Variants in SAMD5 observed in about 807,000 individuals in gnomAD.
The protein encoded by SAMD5 is sterile alpha motif domain-containing protein 5.
Under a neutral mutation model 11.3 loss-of-function variants are expected in SAMD5, and 13 were observed. That is an observed-to-expected ratio of 1.15 (90% confidence interval 0.75 to 1.83). The LOEUF (loss-of-function observed/expected upper bound fraction) is 1.83. SAMD5 is among the 40% of genes most tolerant of loss of function. The pLI is 0.00. For synonymous variants in SAMD5, 129 were observed against 111.3 expected, an observed-to-expected ratio of 1.16 and a Z score of -1.00; for missense variants, 255 against 239.1, an observed-to-expected ratio of 1.07 and a Z score of -0.44.
the SAMD5 span, among the ~76,000 whole-genome samples, chr6:147,852,361 TTAA>T: frequency 6.6e-6 from 1 of 152,152 alleles, no homozygotes; most frequent in African/African-American, 2.4e-5. Flanking sequence ...GTGCCACCAA[TTAA>T]TAATATTGGT....
chr6:147,623,301 T>C (rs1789999875), intron 1 of SAMD5, among the ~76,000 whole-genome samples: 1 of 152,358 alleles, frequency 6.6e-6, no homozygotes, highest in Admixed American at 6.5e-5. Flanking sequence ...TTCCAGTAAT[T>C]TCTCCCACAT....
the SAMD5 span, among the ~76,000 whole-genome samples, chr6:147,853,141 C>G: frequency 6.6e-6 from 1 of 152,160 alleles, no homozygotes. Flanking sequence ...GCAGTGCTCT[C>G]TGACAGGTCA....
the SAMD5 span, among the ~76,000 whole-genome samples, chr6:147,810,456 A>G: frequency 6.6e-6 from 1 of 152,172 alleles, no homozygotes; most frequent in Non-Finnish European, 1.5e-5. Context: ...TGCCCCAGTG[A>G]GGCAGCACAA....
At chr6:147,631,721 G>C (rs535079507) in intron 1 of SAMD5, among the ~76,000 whole-genome samples, 2 of 152,268 alleles carry the variant, frequency 1.3e-5, no homozygotes, top group African/African-American at 4.8e-5. Flanking sequence ...TTAGTTTCCT[G>C]ACTCAGGGCA....
intron 1 of SAMD5, among the ~76,000 whole-genome samples, chr6:147,700,856 T>C (rs985773101): frequency 6.6e-6 from 1 of 152,194 alleles, no homozygotes; most frequent in African/African-American, 2.4e-5. Flanking sequence ...GAAAATTCAC[T>C]AGGAGAATAG....
chr6:147,640,144 G>T (rs1790288450), intron 1 of SAMD5, among the ~76,000 whole-genome samples: 1 of 151,954 alleles, frequency 6.6e-6, no homozygotes, highest in African/African-American at 2.4e-5. Flanking sequence ...TGGCCAACAT[G>T]GTGAAACCCT....
intron 1 of SAMD5, among the ~76,000 whole-genome samples, chr6:147,575,239 G>A (rs964170292): frequency 1.3e-5 from 2 of 152,194 alleles, no homozygotes; most frequent in African/African-American, 4.8e-5. Flanking sequence ...GCCCAGGGAG[G>A]CATTGCTAAA....
chr6:147,729,720 T>C (rs769912839), intron 1 of SAMD5: 1 of 454,576 alleles, frequency 2.2e-6, no homozygotes, highest in Non-Finnish European at 4.4e-6. Flanking sequence ...TTATGAACCA[T>C]GTGGAAAGCT....
At chr6:147,628,359 C>A (rs1228768371) in intron 1 of SAMD5, among the ~76,000 whole-genome samples, 1 of 152,094 alleles carries the variant, frequency 6.6e-6, no homozygotes, top group Non-Finnish European at 1.5e-5. Flanking sequence ...AAATGTACTC[C>A]TGATTTTCAA....
chr6:147,546,841 T>C (rs544445234), intron 1 of SAMD5, among the ~76,000 whole-genome samples: 1 of 152,334 alleles, frequency 6.6e-6, no homozygotes, highest in East Asian at 1.9e-4. Context: ...CCTTCTGCCC[T>C]ATGTGCTAAG....
chr6:147,639,985 C>T (rs1181292586), intron 1 of SAMD5, among the ~76,000 whole-genome samples: 1 of 151,966 alleles, frequency 6.6e-6, no homozygotes, highest in Non-Finnish European at 1.5e-5. Context: ...AATTTGAAAT[C>T]TGAATTGTTC....
intron 1 of SAMD5, among the ~76,000 whole-genome samples, chr6:147,699,080 C>G (rs1435808347): frequency 6.6e-6 from 1 of 152,082 alleles, no homozygotes; most frequent in East Asian, 1.9e-4. Context: ...TTTCCTGGTT[C>G]TCAACACCCC....
At chr6:147,853,627 A>G in the SAMD5 span, among the ~76,000 whole-genome samples, 2 of 86,614 alleles carry the variant, frequency 2.3e-5, no homozygotes, top group Non-Finnish European at 4.9e-5. Context: ...AAAGCATGAG[A>G]ATTTTTTTTT....
the SAMD5 span, among the ~76,000 whole-genome samples, chr6:147,908,994 A>G: frequency 6.6e-6 from 1 of 152,196 alleles, no homozygotes; most frequent in African/African-American, 2.4e-5. Flanking sequence ...GGATCACTTG[A>G]GCCCAGGAGT....
chr6:147,625,817 C>T (rs2128450760), intron 1 of SAMD5, among the ~76,000 whole-genome samples: 1 of 152,294 alleles, frequency 6.6e-6, no homozygotes, highest in East Asian at 1.9e-4. Flanking sequence ...AGTTTGCTGG[C>T]CCCTAAGGCA....
chr6:147,824,399 ATGCCAC>A, the SAMD5 span, among the ~76,000 whole-genome samples: 4 of 152,232 alleles, frequency 2.6e-5, no homozygotes, highest in Non-Finnish European at 5.9e-5. Context: ...GTTTACAGGC[ATGCCAC>A]TCTAAAAAAC....
chr6:147,804,064 C>T, the SAMD5 span, among the ~76,000 whole-genome samples: 3 of 151,982 alleles, frequency 2.0e-5, no homozygotes, highest in Admixed American at 6.6e-5. Flanking sequence ...GCATGTTGGC[C>T]ATGGGCCCAT....
intron 1 of SAMD5, among the ~76,000 whole-genome samples, chr6:147,611,383 T>C (rs1210104305): frequency 6.6e-6 from 1 of 151,872 alleles, no homozygotes; most frequent in Non-Finnish European, 1.5e-5. Flanking sequence ...AGCAACATGG[T>C]GAAACCCCAT....
chr6:147,523,326 A>G (rs963592657), intron 1 of SAMD5, among the ~76,000 whole-genome samples: 5 of 152,228 alleles, frequency 3.3e-5, no homozygotes, highest in Admixed American at 6.5e-5. Flanking sequence ...ACATTTAAAC[A>G]TTTATTGAAA....
Sources: gnomAD v4.1 joint callset for allele counts (sites outside exome capture counted in the v4.1 genomes callset) on GRCh38, gnomAD v4.1.1 for gene constraint, MANE v1.5 for transcripts, NCBI Gene and HGNC (gene_info 2026-07-23, HGNC 2026-07-21) for gene names.